The following NEK11 variants were observed in gnomAD, a reference collection of about 807,000 sequenced individuals.
The protein encoded by NEK11 is serine/threonine-protein kinase Nek11.
Under a neutral mutation model 80.7 loss-of-function variants are expected in NEK11, and 72 were observed. That is an observed-to-expected ratio of 0.89 (90% CI 0.74 to 1.08). The LOEUF is 1.08. Ranked by LOEUF, NEK11 falls within the 50% of genes least tolerant of loss-of-function variation. The pLI is 0.00. For synonymous variants in NEK11, 251 were observed against 260.7 expected, an observed-to-expected ratio of 0.96 and a Z score of 0.36; for missense variants, 764 against 763.6, an observed-to-expected ratio of 1.00 and a Z score of -0.01.
At position 131,236,046 on chromosome 3, in the gene NEK11, C is replaced by G. The variant is rs142880651; in HGVS notation, c.1560+7358C>G. On this transcript the variant is annotated intron_variant, in intron 15 of 17. Coordinates refer to ENST00000383366, the MANE Select transcript of NEK11 (RefSeq NM_024800.5). The stretch of plus-strand genomic sequence containing the variant: ...GATTTAAATAAAAGTAAAGCTAAAA[C>G]TAGAGTTAAAAATAGAAATCTGCAA... Among the ~76,000 whole-genome samples, 198 of 152,260 alleles carry G rather than the reference C, an allele frequency of 1.3e-3. 1 individual carries two copies. The highest frequency in any genetic ancestry group is 4.6e-3 in the African/African-American group (192 of 41,556).
rs191044001 is a variant in NEK11, at chr3:131,266,816, G to A, written c.1622-6662G>A. Among the ~76,000 whole-genome samples the A allele has an allele frequency of 8.5e-5, 13 of 152,210 alleles. No individual in the cohort carries two copies. The East Asian group carries it at 2.5e-3, about 29-fold the overall frequency. ...ATAAAGTCTCTCACTATTATTGTGTGTGAGTCTAAGTCTCTTTGTAGGTCT... is the reference window on the plus strand; with the variant it reads ...ATAAAGTCTCTCACTATTATTGTGTATGAGTCTAAGTCTCTTTGTAGGTCT... On this transcript the variant is annotated intron_variant, in intron 16 of 17. Transcript: ENST00000383366.
intron 3 of NEK11, among the ~76,000 whole-genome samples, chr3:131,039,059 G>C (rs1236967574): frequency 6.6e-6 from 1 of 152,118 alleles, no homozygotes; most frequent in East Asian, 1.9e-4. Flanking sequence ...TAAAGTGCAA[G>C]ATTTTTGTGT....
intron 4 of NEK11, among the ~76,000 whole-genome samples, chr3:131,107,189 A>G (rs1327203141): frequency 1.3e-5 from 2 of 152,086 alleles, no homozygotes; most frequent in Non-Finnish European, 2.9e-5. Context: ...CACTGTGGCC[A>G]CTGTAATTCT....
At chr3:131,230,563 T>A (rs9990209) in intron 15 of NEK11, among the ~76,000 whole-genome samples, 47 of 152,028 alleles carry the variant, frequency 3.1e-4, no homozygotes, top group Admixed American at 1.3e-4. Flanking sequence ...TACCTCTTTA[T>A]GATACTGCCA....
chr3:131,097,381 T>G (rs2077607557), intron 4 of NEK11, among the ~76,000 whole-genome samples: 1 of 151,734 alleles, frequency 6.6e-6, no homozygotes, highest in Non-Finnish European at 1.5e-5. Flanking sequence ...TTTCTCCACA[T>G]CCTCTCCAGC....
chr3:131,260,194 A>T (rs1442151012), intron 16 of NEK11, among the ~76,000 whole-genome samples: 6 of 151,286 alleles, frequency 4.0e-5, no homozygotes, highest in African/African-American at 7.3e-5. Flanking sequence ...TGATGATCTT[A>T]TTTTTTTTTA....
intron 17 of NEK11, among the ~76,000 whole-genome samples, chr3:131,332,561 TCTC>T (rs995569313): frequency 8.6e-5 from 13 of 152,038 alleles, no homozygotes; most frequent in African/African-American, 2.9e-4. Flanking sequence ...ACAGAGCGCC[TCTC>T]CTCCTCCAAA....
chr3:131,256,846 G>A (rs1207547213), intron 16 of NEK11, among the ~76,000 whole-genome samples: 1 of 152,238 alleles, frequency 6.6e-6, no homozygotes, highest in East Asian at 1.9e-4. Flanking sequence ...AGAATCTTGA[G>A]TGTCCTCAAG....
chr3:131,030,188 G>A (rs889372606), intron 3 of NEK11, among the ~76,000 whole-genome samples: 5 of 151,564 alleles, frequency 3.3e-5, no homozygotes, highest in Non-Finnish European at 5.9e-5. Flanking sequence ...GCAGTGAGCC[G>A]AGATCATGCC....
chr3:131,180,611 G>A (rs911005414), intron 14 of NEK11, among the ~76,000 whole-genome samples: 7 of 152,250 alleles, frequency 4.6e-5, no homozygotes, highest in East Asian at 1.9e-4. Flanking sequence ...GTCAGCAGGC[G>A]TATTTGTTAC....
chr3:131,200,867 C>T (rs1000644002), intron 14 of NEK11, among the ~76,000 whole-genome samples: 3 of 152,148 alleles, frequency 2.0e-5, no homozygotes, highest in Non-Finnish European at 2.9e-5. Context: ...TTCTGTGCTG[C>T]GAGCAGCAGG....
At chr3:131,239,278 A>C (rs371960789) in intron 15 of NEK11, among the ~76,000 whole-genome samples, 2 of 152,158 alleles carry the variant, frequency 1.3e-5, no homozygotes, top group Non-Finnish European at 2.9e-5. Flanking sequence ...CTGTTGACAT[A>C]AGGTTGACTG....
At chr3:131,342,898 G>T (rs1404742494) in intron 17 of NEK11, among the ~76,000 whole-genome samples, 1 of 152,042 alleles carries the variant, frequency 6.6e-6, no homozygotes. Context: ...TATGATAAAT[G>T]ACTTTTACCT....
intron 4 of NEK11, among the ~76,000 whole-genome samples, chr3:131,090,884 G>A (rs1006108687): frequency 6.6e-6 from 1 of 152,088 alleles, no homozygotes; most frequent in Admixed American, 6.6e-5. Flanking sequence ...CCCACTCCAC[G>A]CTCGCAAGCA....
chr3:131,154,357 G>A (rs1441053846), intron 9 of NEK11, among the ~76,000 whole-genome samples: 1 of 152,078 alleles, frequency 6.6e-6, no homozygotes, highest in East Asian at 1.9e-4. Context: ...TGACTCTGGG[G>A]CAAAAGTTAA....
chr3:131,140,927 A>G (rs1015721839), intron 7 of NEK11, among the ~76,000 whole-genome samples: 7 of 152,076 alleles, frequency 4.6e-5, no homozygotes, highest in Admixed American at 1.3e-4. Flanking sequence ...TTATCTTTCT[A>G]TCATTCCCAT....
At position 131,055,857 on chromosome 3, in the gene NEK11, G is replaced by C. The variant is rs193044552; in HGVS notation, c.171-24566G>C. On this transcript the variant is annotated intron_variant, in intron 3 of 17. Transcript: ENST00000383366. ...TTAAACAGCAGTAAATATTTAGTCTGACAAAAACACCCAAAATGAAAGATC... is the reference window on the plus strand; with the variant it reads ...TTAAACAGCAGTAAATATTTAGTCTCACAAAAACACCCAAAATGAAAGATC... Among the ~76,000 whole-genome samples, 44 of 152,234 alleles carry C rather than the reference G, an allele frequency of 2.9e-4. No homozygotes were observed. In the East Asian group the frequency reaches 7.1e-3, roughly 25 times the overall value.
At chr3:131,083,657 G>C (rs2075604442) in intron 4 of NEK11, among the ~76,000 whole-genome samples, 1 of 152,106 alleles carries the variant, frequency 6.6e-6, no homozygotes, top group African/African-American at 2.4e-5. Flanking sequence ...TTTATCTCCA[G>C]GTTCCCTCTT....
At chr3:131,177,271 T>C (rs1371791003) in intron 14 of NEK11, among the ~76,000 whole-genome samples, 1 of 152,212 alleles carries the variant, frequency 6.6e-6, no homozygotes, top group Admixed American at 6.5e-5. Flanking sequence ...CACTGTGATT[T>C]TAAGGAACAT....
Sources: gnomAD v4.1 joint callset for allele counts (sites outside exome capture counted in the v4.1 genomes callset) on GRCh38, gnomAD v4.1.1 for gene constraint, MANE v1.5 for transcripts, NCBI Gene and HGNC (gene_info 2026-07-23, HGNC 2026-07-21) for gene names.